Variants in PER1 observed in about 807,000 individuals in gnomAD.
The protein encoded by PER1 is period circadian protein homolog 1.
Under a neutral mutation model 125.9 loss-of-function variants are expected in PER1, and 87 were observed. The ratio of observed to expected loss-of-function variants is 0.69; its 90% CI spans 0.58 to 0.83. The LOEUF (loss-of-function observed/expected upper bound fraction) is 0.83. PER1 is among the 40% of genes least tolerant of loss of function. The pLI is 0.00. For synonymous variants in PER1, 801 were observed against 714.7 expected (o/e 1.12, Z -1.93); for missense variants, 1,775 against 1,722.8 (o/e 1.03, Z -0.54).
At position 8,148,245 on chromosome 17, in the gene PER1, G is replaced by T. The variant is rs149009600; in HGVS notation, c.1063C>A (p.Pro355Thr). Residue 355 changes from proline (P) to threonine (T), a missense_variant, in exon 9 of 23, where the codon CCT becomes ACT. Transcript: ENST00000317276. The part of the protein sequence containing the change: ...HSGYEAPRIP[P>T]DKRIFTTRHT... ...CGCGTAGTGAAAATCCTCTTGTCAG[G>T]GGGTATCCGGGGAGCTGAGGCACAG... is the stretch of plus-strand genomic sequence containing the variant. 4 of 1,614,030 alleles carry T rather than the reference G, an allele frequency of 2.5e-6. No homozygotes were observed. Among genetic ancestry groups the T allele is most frequent in the Non-Finnish European group, 3.4e-6 (4 of 1,179,916 alleles).
At chr17:8,145,814 G>T in intron 17 of PER1, 144 bp downstream of exon 17, 1 of 874,428 alleles carries the variant, frequency 1.1e-6, no homozygotes, top group Non-Finnish European at 1.7e-6. Flanking sequence ...GGAGGGGAGA[G>T]CAAGAAGCAG....
Position 8,144,762 on chromosome 17 carries a change from A to G in PER1, c.2450T>C (p.Leu817Pro). ...CCCCAGGTGGCTACCTCGCTCGCCA[A>G]GGGCTGAGGGAGCTGTGGAAGAGCT... ...LDSSSTAPSA[L>P]GERGCHHGPA... The change falls in exon 18 of 23, where the codon CTT becomes CCT. Residue 817 changes from leucine to proline, a missense_variant. Coordinates refer to ENST00000317276, the MANE Select transcript of PER1 (RefSeq NM_002616.3). The G allele has an allele frequency of 6.4e-7, 1 of 1,573,856 alleles. No individual in the cohort carries two copies. Among genetic ancestry groups the G allele is most frequent in the Middle Eastern group, 1.7e-4 (1 of 6,016 alleles).
At chr17:8,148,881 G>T in intron 7 of PER1, 95 bp from the exon 8 acceptor site, 1 of 1,407,058 alleles carries the variant, frequency 7.1e-7, no homozygotes, top group Non-Finnish European at 9.8e-7. Context: ...AAGACGCTGG[G>T]GAGGGGGCAG....
rs762126689 is a variant in PER1, at chr17:8,141,128, C to T, written c.3813G>A (p.Glu1271=). The T allele has an allele frequency of 2.5e-6, 4 of 1,614,010 alleles. No homozygotes were observed. The African/African-American group carries it at 4.0e-5, about 16-fold the overall frequency. Residue 1271 remains glutamate, a synonymous_variant, in exon 23 of 23, where the codon GAG becomes GAA. Coordinates refer to ENST00000317276, the MANE Select transcript of PER1 (RefSeq NM_002616.3). Reference sequence around the variant, plus strand: ...GACTGGATGAGCTCCTGCCTTCTTCCTCCTCCTCCATAGCCAAGTCCTGAG... The same window carrying T: ...GACTGGATGAGCTCCTGCCTTCTTCTTCCTCCTCCATAGCCAAGTCCTGAG... ...SSSQDLAMEE[E]EEGRSSSSPA... is the part of the protein sequence containing the mutation.
At position 8,147,546 on chromosome 17, in the gene PER1, G is replaced by A. The variant is rs367878166; in HGVS notation, c.1421C>T (p.Pro474Leu). ...APLNEDVFTP[P>L]APSPAPSLDT... ...CAGGGAGGGAGCTGGGCTGGGGGCC[G>A]GGGGAGTGAACACGTCCTCATTCAG... The change falls in exon 12 of 23, where the codon CCG becomes CTG. Residue 474 changes from proline (P) to leucine (L), a missense_variant. Physicochemically the swap from Pro to Leu is moderately conservative, Grantham distance 98. Transcript: ENST00000317276. 617 of 1,613,166 alleles carry A rather than the reference G, an allele frequency of 3.8e-4. No individual in the cohort carries two copies. Among genetic ancestry groups the A allele is most frequent in the Non-Finnish European group, 4.9e-4 (583 of 1,179,454 alleles).
At position 8,141,131 on chromosome 17, in the gene PER1, C is replaced by G; in HGVS notation, c.3810G>C (p.Glu1270Asp). The G allele has an allele frequency of 6.2e-7, 1 of 1,614,194 alleles. No individual in the cohort carries two copies. Among genetic ancestry groups the G allele is most frequent in the South Asian group, 1.1e-5 (1 of 91,084 alleles). Residue 1270 changes from glutamate (E) to aspartate (D), a missense_variant, in exon 23 of 23, where the codon GAG (glutamate) becomes GAC (aspartate). By Grantham distance (45) the Glu-to-Asp change is conservative. Transcript: ENST00000317276. ...TGGATGAGCTCCTGCCTTCTTCCTC[C>G]TCCTCCATAGCCAAGTCCTGAGAGC... ...ASSSQDLAMEEEEEGRSSSSP... is the reference protein window; with the variant it reads ...ASSSQDLAMEDEEEGRSSSSP...
chr17:8,149,152 G>A (rs145513323), intron 7 of PER1, 107 bp downstream of exon 7: 17,482 of 1,015,194 alleles, frequency 0.017, 217 homozygotes, highest in Middle Eastern at 0.053. Flanking sequence ...TCGTGCCACC[G>A]CAGTCCAGCC....
Position 8,149,746 on chromosome 17 carries a change from G to T in PER1, c.651+9C>A. ...TGCGTCGGGATGCAGAGGCCAGGCCGCCGCTGACCTGGTTCTGAAGTGTGT... is the reference window on the plus strand; with the variant it reads ...TGCGTCGGGATGCAGAGGCCAGGCCTCCGCTGACCTGGTTCTGAAGTGTGT... On this transcript the variant is annotated intron_variant, in intron 5 of 22. Transcript: ENST00000317276. 6.2e-7 allele frequency: 1 copy of T among 1,612,562 alleles called. No homozygotes were observed. Among genetic ancestry groups the T allele is most frequent in the Non-Finnish European group, 8.5e-7 (1 of 1,179,986 alleles).
rs759488022 is a variant in PER1 at position 8,146,854 on chromosome 17, C to A, written c.1735+43G>T. On this transcript the variant is annotated intron_variant, in intron 14 of 22. Coordinates refer to ENST00000317276, the MANE Select transcript of PER1 (RefSeq NM_002616.3). Reference sequence around the variant, plus strand: ...GGGTTGGGGGTGAAGGTCAGGGGACCCCCCAGGTCTGTCTCTTCACCCACA... The same window carrying A: ...GGGTTGGGGGTGAAGGTCAGGGGACACCCCAGGTCTGTCTCTTCACCCACA... 4 of 1,604,128 alleles carry A rather than the reference C, an allele frequency of 2.5e-6. No individual in the cohort carries two copies. In the Admixed American group the frequency reaches 6.8e-5, roughly 27 times the overall value.
In PER1 at chr17:8,142,773, A is replaced by C. The variant is rs779032116; in HGVS notation, c.3135T>G (p.Leu1045=). Reference sequence around the variant, plus strand: ...CGGAGCGCGAGTCCTCTTGCAGCAGAAGTTCGAGCAGGTCACTGGAGCCGG... The same window carrying C: ...CGGAGCGCGAGTCCTCTTGCAGCAGCAGTTCGAGCAGGTCACTGGAGCCGG... ...ALSGSSDLLE[L]LLQEDSRSGT... is the part of the protein sequence containing the mutation. The change falls in exon 20 of 23, where the codon CTT becomes CTG. Residue 1045 remains leucine (L), a synonymous_variant. Transcript: ENST00000317276. 27 of 1,613,436 alleles carry C rather than the reference A, an allele frequency of 1.7e-5. No homozygotes were observed. Among genetic ancestry groups the C allele is most frequent in the Middle Eastern group, 1.6e-4 (1 of 6,084 alleles).
At position 8,146,920 on chromosome 17, in the gene PER1, G is replaced by A. The variant is rs747913482; in HGVS notation, c.1712C>T (p.Pro571Leu). The A allele has an allele frequency of 1.6e-4, 262 of 1,613,828 alleles. No homozygotes were observed. The highest frequency in any genetic ancestry group is 2.1e-4 in the Non-Finnish European group (253 of 1,179,936). Residue 571 changes from proline (P) to leucine (L), a missense_variant, in exon 14 of 23, where the codon CCT becomes CTT. Transcript: ENST00000317276. ...ACCAGGGAGGCGGGGCCGGGACTGA[G>A]GCCGGGCCCGAGACTCAATAAAAAG... ...QQLFIESRAR[P>L]QSRPRLPATG...
At position 8,143,663 on chromosome 17, in the gene PER1, C is replaced by A; in HGVS notation, c.2675G>T (p.Arg892Leu). ...QPYPLPVFSP[R>L]GGPQPLPPAP... Reference sequence around the variant, plus strand: ...AGGGGGAAGAGGCTGGGGGCCTCCTCGAGGAGAGAACACTGGGAGAGGGTA... The same window carrying A: ...AGGGGGAAGAGGCTGGGGGCCTCCTAGAGGAGAGAACACTGGGAGAGGGTA... The change falls in exon 19 of 23, where the codon CGA becomes CTA. Residue 892 changes from arginine (R) to leucine (L), a missense_variant. By Grantham distance (102) the Arg-to-Leu change is moderately radical. Coordinates refer to ENST00000317276, the MANE Select transcript of PER1 (RefSeq NM_002616.3). 1 of 1,439,222 alleles carries A rather than the reference C, an allele frequency of 6.9e-7. No individual in the cohort carries two copies. Among genetic ancestry groups the A allele is most frequent in the Non-Finnish European group, 9.1e-7 (1 of 1,093,690 alleles). 89.2% of individuals were successfully genotyped at this position (1,439,222 alleles called of 1,614,324 possible). A position where few individuals can be genotyped will look rare whatever the true frequency, so the allele number is the denominator to read the frequency against.
rs1228093535 is a variant in PER1, at chr17:8,151,949, C to T, written c.-140+388G>A. Among the ~76,000 whole-genome samples the T allele has an allele frequency of 8.5e-5, 13 of 152,354 alleles. No homozygotes were observed. In the South Asian group the frequency reaches 1.2e-3, roughly 15 times the overall value. ...TCTAGTCCGAAGTGGGCTGACATCA[C>T]AGGCGGCGCAGGGCCAGGGACTGGA... On this transcript the variant is annotated intron_variant, in intron 1 of 22. Transcript: ENST00000317276.
In PER1 at chr17:8,141,822, G is replaced by A. The variant is rs200744636; in HGVS notation, c.3583C>T (p.Arg1195Trp). Reference protein sequence around the residue: ...HSWVRKGQLPRALDVMACVDC... With the variant: ...HSWVRKGQLPWALDVMACVDC... Reference sequence around the variant, plus strand: ...TCTCTCACCATCACATCAAGAGCCCGAGGCAGTTGGCCCTTCCGGACCCAG... The same window carrying A: ...TCTCTCACCATCACATCAAGAGCCCAAGGCAGTTGGCCCTTCCGGACCCAG... The change falls in exon 22 of 23, where the codon CGG (arginine) becomes TGG (tryptophan). Residue 1195 changes from arginine (R) to tryptophan (W), a missense_variant. Transcript: ENST00000317276. 53 of 1,612,448 alleles carry A rather than the reference G, an allele frequency of 3.3e-5. No individual in the cohort carries two copies. Among genetic ancestry groups the A allele is most frequent in the Admixed American group, 1.7e-4 (10 of 59,850 alleles).
rs147278237 is a variant in PER1 at position 8,148,732 on chromosome 17, C to A, written c.960G>T (p.Pro320=). 6.2e-7 allele frequency: 1 copy of A among 1,613,912 alleles called. No homozygotes were observed. The highest frequency in any genetic ancestry group is 1.7e-5 in the Admixed American group (1 of 59,950). The change falls in exon 8 of 23, where the codon CCG becomes CCT. Residue 320 remains proline (P), a synonymous_variant. Coordinates refer to ENST00000317276, the MANE Select transcript of PER1 (RefSeq NM_002616.3). ...GPRYQPFRLT[P]YVTKIRVSDG... is the part of the protein sequence containing the mutation. Reference sequence around the variant, plus strand: ...CTGAGACCCGGATCTTGGTCACATACGGGGTTAGGCGGAATGGCTGGTACC... The same window carrying A: ...CTGAGACCCGGATCTTGGTCACATAAGGGGTTAGGCGGAATGGCTGGTACC...
chr17:8,151,008 C>T (rs1982829279), intron 1 of PER1, among the ~76,000 whole-genome samples, 163 bp from the exon 2 acceptor site: 1 of 152,202 alleles, frequency 6.6e-6, no homozygotes, highest in South Asian at 2.1e-4. Context: ...GTCTCCTGTA[C>T]CCTTAGGGGG....
At chr17:8,148,292 G>A (rs200039096) in intron 8 of PER1, 33 bp from the exon 9 acceptor site, 8 of 1,569,156 alleles carry the variant, frequency 5.1e-6, no homozygotes, top group Admixed American at 3.4e-5. Context: ...ACTGGGTTTC[G>A]TCCAGAATGC....
rs1322583543 is a variant in PER1, at chr17:8,143,493, G to A, written c.2845C>T (p.Pro949Ser). Residue 949 changes from proline to serine, a missense_variant, in exon 19 of 23, where the codon CCT becomes TCT. By Grantham distance (74) the Pro-to-Ser change is moderately conservative (BLOSUM62 -1). Coordinates refer to ENST00000317276, the MANE Select transcript of PER1 (RefSeq NM_002616.3). ...GATGGAGAAGGGGAGTGCGAGGCAG[G>A]AGTGGGAGGCCCTTCAGCAGGGGTC... Reference protein sequence around the residue: ...LQTPAEGPPTPASHSPSPSLP... With the variant: ...LQTPAEGPPTSASHSPSPSLP... 6 of 1,584,752 alleles carry A rather than the reference G, an allele frequency of 3.8e-6. No homozygotes were observed. The highest frequency in any genetic ancestry group is 1.2e-5 in the South Asian group (1 of 86,090).
Position 8,147,331 on chromosome 17 carries a change from T to C in PER1, c.1548A>G (p.Thr516=), listed in dbSNP as rs1027876980. 4.3e-6 allele frequency: 7 copies of C among 1,613,418 alleles called. No homozygotes were observed. The African/African-American group carries it at 8.0e-5, about 18-fold the overall frequency. ...CAGGGCTGTGGAGAGGGCCTGGGGA[T>C]GTCACGGCGCCGACTCCACAGAGTC... is the stretch of plus-strand genomic sequence containing the variant. ...PTGLCGVGAV[T]SPGPLHSPGS... Residue 516 remains threonine (T), a synonymous_variant, in exon 13 of 23, where the codon ACA becomes ACG. Transcript: ENST00000317276.
Sources: gnomAD v4.1 joint callset for allele counts (sites outside exome capture counted in the v4.1 genomes callset) on GRCh38, gnomAD v4.1.1 for gene constraint, MANE v1.5 for transcripts, NCBI Gene and HGNC (gene_info 2026-07-23, HGNC 2026-07-21) for gene names.